Variants in COL6A5 observed in about 807,000 individuals in gnomAD.
COL6A5 encodes collagen type VI alpha 5 chain.
In COL6A5, 48 loss-of-function variants were observed where a neutral mutation model predicts 65.6. The observed-to-expected ratio is 0.73, with a 90% CI of 0.58 to 0.93. The LOEUF is 0.93. Among genes scored for constraint, COL6A5 ranks in the 40% least tolerant of loss-of-function variants. The pLI is 0.00. For missense variants in COL6A5, 914 were observed against 928.3 expected (o/e 0.98, Z 0.20); for synonymous variants, 291 against 322.8 (o/e 0.90, Z 1.05).
At chr3:130,400,396 CA>C (rs1303807360) in intron 10 of COL6A5, among the ~76,000 whole-genome samples, 3 of 152,140 alleles carry the variant, frequency 2.0e-5, no homozygotes, top group Non-Finnish European at 4.4e-5. Flanking sequence ...TGCTATTATA[CA>C]ATGATTAATA....
chr3:130,429,483 A>G (rs1235957509), upstream of COL6A5: 9 of 1,216,334 alleles, frequency 7.4e-6, no homozygotes, highest in East Asian at 1.8e-4. Flanking sequence ...CTCAAATAAC[A>G]TTTTCAGCTT....
chr3:130,373,274 A>T, intron 1 of COL6A5, among the ~76,000 whole-genome samples: 1 of 152,156 alleles, frequency 6.6e-6, no homozygotes. Context: ...AGTACTGTGG[A>T]TCGATCTACC....
intron 1 of COL6A5, among the ~76,000 whole-genome samples, chr3:130,365,687 G>A (rs556399365): frequency 1.3e-5 from 2 of 152,244 alleles, no homozygotes; most frequent in African/African-American, 4.8e-5. Context: ...TTTTCTCTCT[G>A]GGACTGTACC....
chr3:130,421,656 T>C (rs978267380), intron 27 of COL6A5, among the ~76,000 whole-genome samples: 5 of 152,136 alleles, frequency 3.3e-5, no homozygotes, highest in African/African-American at 9.6e-5. Context: ...TTTCATTCAA[T>C]ACTCTTGGCT....
rs1254917364 is a variant in COL6A5 at position 130,403,506 on chromosome 3, C to T, written c.4228-103C>T. The T allele has an allele frequency of 4.1e-6, 4 of 975,520 alleles. 1 individual carries two copies. In the Middle Eastern group the frequency reaches 6.4e-4, roughly 157 times the overall value. 60.4% of individuals were successfully genotyped at this position (975,520 alleles called of 1,614,324 possible). A position where few individuals can be genotyped will look rare whatever the true frequency, so the allele number is the denominator to read the frequency against. On this transcript the variant is annotated intron_variant and NMD_transcript_variant, in intron 12 of 41. Transcript: ENST00000312481. Reference sequence around the variant, plus strand: ...ACGGCCACATCTGCAGAAACTGCAACCAAGTTGGAGGAAGGGACTTGCTTA... The same window carrying T: ...ACGGCCACATCTGCAGAAACTGCAATCAAGTTGGAGGAAGGGACTTGCTTA...
chr3:130,471,074 T>TGTG (rs147244067), intron 7 of COL6A5, 107 bp downstream of exon 39: 7 of 553,412 alleles, frequency 1.3e-5, no homozygotes, highest in South Asian at 6.8e-5. Flanking sequence ...GTGTGTGTTT[T>TGTG]TGTGTGTGTG....
At chr3:130,416,090 C>A (rs1937328456) in intron 23 of COL6A5, among the ~76,000 whole-genome samples, 1 of 152,116 alleles carries the variant, frequency 6.6e-6, no homozygotes, top group Admixed American at 6.5e-5. Context: ...ATTGACTGTA[C>A]AAAGATCCCT....
chr3:130,410,028 A>G lies in COL6A5; in HGVS notation c.4562A>G (p.Asn1521Ser), dbSNP rs922622615. ...CTCTAGGGTAATCCAGGACAAAACA[A>G]TAACATCAAAGGACAAAAGGGCTCC... The change falls in exon 19 of 42, where the codon AAT becomes AGT. Residue 1521 changes from asparagine to serine, a missense_variant and NMD_transcript_variant. Coordinates refer to the COL6A5 transcript ENST00000312481. The G allele has an allele frequency of 1.9e-5, 30 of 1,549,576 alleles. No individual in the cohort carries two copies. In the African/African-American group the frequency reaches 3.3e-4, roughly 17 times the overall value.
At chr3:130,380,710 G>A (rs1029133005) in intron 4 of COL6A5, among the ~76,000 whole-genome samples, 3 of 152,110 alleles carry the variant, frequency 2.0e-5, no homozygotes, top group African/African-American at 7.2e-5. Flanking sequence ...TAATAGCCAG[G>A]TGTGTCTAGT....
At chr3:130,474,902 G>A (rs1340777149) in intron 7 of COL6A5, among the ~76,000 whole-genome samples, 1 of 150,848 alleles carries the variant, frequency 6.6e-6, no homozygotes, top group Non-Finnish European at 1.5e-5. Context: ...AGGTACTCAG[G>A]TGACTGAGGT....
At chr3:130,458,091 G>A (rs1709617991) in intron 5 of COL6A5, among the ~76,000 whole-genome samples, 1 of 151,996 alleles carries the variant, frequency 6.6e-6, no homozygotes, top group East Asian at 1.9e-4. Context: ...TCTTTCAAAA[G>A]AAGCACAATC....
chr3:130,473,778 A>G (rs866908450), intron 7 of COL6A5, among the ~76,000 whole-genome samples: 11 of 152,152 alleles, frequency 7.2e-5, no homozygotes, highest in Middle Eastern at 3.4e-3. Flanking sequence ...CAGCTGACCA[A>G]TCGTTACCTC....
chr3:130,433,382 C>A (rs929804921), intron 1 of COL6A5, among the ~76,000 whole-genome samples: 1 of 152,154 alleles, frequency 6.6e-6, no homozygotes, highest in Non-Finnish European at 1.5e-5. Flanking sequence ...GAAAGAGTCT[C>A]CAGTCATTCT....
chr3:130,458,876 T>C (rs559849995), intron 5 of COL6A5, among the ~76,000 whole-genome samples: 2 of 152,256 alleles, frequency 1.3e-5, no homozygotes, highest in South Asian at 4.1e-4. Context: ...TTCTAATTAC[T>C]TGCCAACAGA....
chr3:130,470,550 ATTTTTT>A (rs1161950757), intron 6 of COL6A5, among the ~76,000 whole-genome samples: 25 of 152,120 alleles, frequency 1.6e-4, no homozygotes, highest in African/African-American at 6.0e-4. Context: ...AAATATAAAC[ATTTTTT>A]AAAAAATAGT....
intron 7 of COL6A5, chr3:130,476,804 A>C (rs1295606510): frequency 1.7e-6 from 1 of 605,804 alleles, no homozygotes; most frequent in Non-Finnish European, 3.1e-6. Context: ...TTTTCTCCAA[A>C]AGTTTTCTGC....
intron 1 of COL6A5, among the ~76,000 whole-genome samples, chr3:130,438,435 T>C (rs982429884): frequency 6.6e-6 from 1 of 152,174 alleles, no homozygotes; most frequent in Non-Finnish European, 1.5e-5. Context: ...ATGAAGAGCA[T>C]GGGGTTTACT....
intron 7 of COL6A5, among the ~76,000 whole-genome samples, chr3:130,476,345 A>G (rs112724098): frequency 3.0e-4 from 45 of 152,224 alleles, no homozygotes; most frequent in African/African-American, 9.9e-4. Context: ...CCTATCTTCA[A>G]TACAGTCACA....
intron 27 of COL6A5, among the ~76,000 whole-genome samples, chr3:130,421,899 G>A (rs185591751): frequency 7.2e-5 from 11 of 152,096 alleles, no homozygotes; most frequent in Non-Finnish European, 1.5e-4. Context: ...TCTTCATGCT[G>A]TAGGAACAGA....
Sources: allele counts gnomAD v4.1 joint callset (sites outside exome capture counted in the v4.1 genomes callset), GRCh38; gene constraint gnomAD v4.1.1; transcripts MANE v1.5; gene names NCBI Gene and HGNC (gene_info 2026-07-23, HGNC 2026-07-21).